Variants in GLI2 observed in about 807,000 individuals in gnomAD.
GLI2 encodes GLI family zinc finger 2.
A neutral mutation model predicts 78.9 loss-of-function variants in GLI2; 22 were observed. That is an observed-to-expected ratio of 0.28 (90% CI 0.20 to 0.40). GLI2 has a LOEUF of 0.40. Ranked by LOEUF, GLI2 falls within the 10% of genes least tolerant of loss-of-function variation. The pLI, the probability that GLI2 is intolerant of heterozygous loss-of-function variation, is 1.00. For synonymous variants in GLI2, 974 were observed against 963.7 expected (o/e 1.01, Z -0.20); for missense variants, 2,097 against 2,213.2 (o/e 0.95, Z 1.05).
chr2:120,803,801 G>C (rs1684809559), intron 2 of GLI2, among the ~76,000 whole-genome samples: 1 of 152,204 alleles, frequency 6.6e-6, no homozygotes, highest in Non-Finnish European at 1.5e-5. Context: ...GCTGGGGCCT[G>C]GGCATATGTA....
At chr2:120,905,328 C>T (rs2104794878) in intron 2 of GLI2, among the ~76,000 whole-genome samples, 1 of 152,258 alleles carries the variant, frequency 6.6e-6, no homozygotes, top group East Asian at 1.9e-4. Context: ...GGGTGCCTGT[C>T]CCTGTGCATA....
At chr2:120,764,591 T>C (rs1002378501) in intron 1 of GLI2, among the ~76,000 whole-genome samples, 1 of 152,140 alleles carries the variant, frequency 6.6e-6, no homozygotes, top group African/African-American at 2.4e-5. Flanking sequence ...TGCTCTGTGT[T>C]GTAGAAGGGA....
intron 2 of GLI2, among the ~76,000 whole-genome samples, chr2:120,894,761 C>T (rs113633627): frequency 2.4e-3 from 361 of 151,314 alleles, no homozygotes; most frequent in African/African-American, 6.0e-3. Context: ...CGCAGTGGCG[C>T]GATCTTGGCT....
intron 1 of GLI2, among the ~76,000 whole-genome samples, chr2:120,740,388 G>A (rs1323757951): frequency 4.0e-5 from 6 of 151,762 alleles, no homozygotes; most frequent in East Asian, 1.9e-4. Flanking sequence ...GGGGATTTGG[G>A]TTTAAATTGA....
Position 120,951,279 on chromosome 2 carries a change from C to T in GLI2, c.291C>T (p.Asp97=), listed in dbSNP as rs199671413. The T allele has an allele frequency of 8.0e-4, 1,296 of 1,612,528 alleles. 4 individuals carry two copies. The highest frequency in any genetic ancestry group is 6.7e-4 in the Non-Finnish European group (786 of 1,178,732). Residue 97 remains aspartate (D), a synonymous_variant, in exon 4 of 14, where the codon GAC becomes GAT. Coordinates refer to ENST00000361492, the MANE Select transcript of GLI2 (RefSeq NM_001374353.1). ...PALSGSPVIS[D]ISLIRLSPHP... ...TCAGCGGCAGCCCTGTCATCTCTGA[C>T]ATCTCCTTGATCCGGCTTTCCCCGC...
At chr2:120,909,896 C>G (rs189730099) in intron 2 of GLI2, among the ~76,000 whole-genome samples, 1 of 152,344 alleles carries the variant, frequency 6.6e-6, no homozygotes, top group African/African-American at 2.4e-5. Flanking sequence ...TTAAAATCCA[C>G]TTTACAGGTG....
At chr2:120,798,598 G>A (rs1204572229) in intron 2 of GLI2, among the ~76,000 whole-genome samples, 2 of 152,332 alleles carry the variant, frequency 1.3e-5, no homozygotes, top group African/African-American at 4.8e-5. Flanking sequence ...GGAGATCTGA[G>A]GTCAACCTTC....
At chr2:120,805,096 G>A (rs949035670) in intron 2 of GLI2, among the ~76,000 whole-genome samples, 16 of 152,230 alleles carry the variant, frequency 1.1e-4, no homozygotes, top group African/African-American at 3.4e-4. Context: ...TCCACATAAC[G>A]GAAACCCGAG....
At position 120,989,648 on chromosome 2, in the gene GLI2, C is replaced by A. The variant is rs201543141; in HGVS notation, c.3683C>A (p.Ala1228Asp). The A allele has an allele frequency of 1.2e-6, 2 of 1,613,388 alleles. No individual in the cohort carries two copies. The highest frequency in any genetic ancestry group is 4.5e-5 in the East Asian group (2 of 44,860). Residue 1228 changes from alanine (A) to aspartate (D), a missense_variant, in exon 14 of 14, where the codon GCC (alanine) becomes GAC (aspartate). This residue lies in a region of GLI2 where 1,290 missense variants were observed against 1,261.7 expected (regional missense o/e 1.02). Coordinates refer to ENST00000361492, the MANE Select transcript of GLI2 (RefSeq NM_001374353.1). ...PGMTTTMSPH[A>D]CYGQVHPQLS... ...ATGACTACCACTATGAGCCCCCATG[C>A]CTGCTATGGCCAAGTCCACCCCCAG...
At chr2:120,968,091 C>A (rs1197931805) in intron 5 of GLI2, among the ~76,000 whole-genome samples, 1 of 152,208 alleles carries the variant, frequency 6.6e-6, no homozygotes, top group East Asian at 1.9e-4. Context: ...GCAGTGGGAA[C>A]AGGCAAGCTT....
intron 1 of GLI2, among the ~76,000 whole-genome samples, chr2:120,758,092 G>A (rs748322580): frequency 3.9e-5 from 6 of 152,180 alleles, no homozygotes; most frequent in Non-Finnish European, 8.8e-5. Context: ...GGAGAGGCTG[G>A]TGTGGCCAGC....
intron 2 of GLI2, among the ~76,000 whole-genome samples, chr2:120,887,338 A>G (rs1677461692): frequency 6.6e-6 from 1 of 152,130 alleles, no homozygotes; most frequent in Admixed American, 6.5e-5. Flanking sequence ...ATTGATACTC[A>G]CCAAATTAGA....
chr2:120,762,959 G>A (rs1391251616), intron 1 of GLI2, among the ~76,000 whole-genome samples: 2 of 152,242 alleles, frequency 1.3e-5, no homozygotes, highest in Non-Finnish European at 1.5e-5. Context: ...GGACTTTGAG[G>A]CCAAGGTTAG....
At chr2:120,959,146 G>A (rs767108689) in intron 5 of GLI2, among the ~76,000 whole-genome samples, 2 of 152,202 alleles carry the variant, frequency 1.3e-5, no homozygotes, top group Non-Finnish European at 2.9e-5. Flanking sequence ...AGCAGCAGAG[G>A]AGTGCAGAGG....
At chr2:120,842,802 G>A (rs1686948978) in intron 2 of GLI2, among the ~76,000 whole-genome samples, 2 of 152,214 alleles carry the variant, frequency 1.3e-5, no homozygotes, top group African/African-American at 4.8e-5. Flanking sequence ...CAGAGAAATT[G>A]TCCTTAGCAG....
intron 1 of GLI2, among the ~76,000 whole-genome samples, chr2:120,771,464 TA>T (rs1285319832): frequency 6.6e-6 from 1 of 152,224 alleles, no homozygotes; most frequent in Non-Finnish European, 1.5e-5. Context: ...CCTTTCAACT[TA>T]GAGTTCTTGA....
chr2:120,973,445 C>T (rs774482105), intron 8 of GLI2, among the ~76,000 whole-genome samples: 5 of 152,210 alleles, frequency 3.3e-5, no homozygotes, highest in Admixed American at 6.5e-5. Flanking sequence ...CCTGGCTCTG[C>T]GCACGTGTCA....
At chr2:120,820,969 G>A (rs1250413332) in intron 2 of GLI2, among the ~76,000 whole-genome samples, 2 of 152,040 alleles carry the variant, frequency 1.3e-5, no homozygotes, top group African/African-American at 2.4e-5. Flanking sequence ...GCCATGTGCC[G>A]ACTCAGTAAC....
intron 1 of GLI2, among the ~76,000 whole-genome samples, chr2:120,740,434 G>GT (rs1179442010): frequency 8.8e-6 from 1 of 113,718 alleles, no homozygotes; most frequent in Non-Finnish European, 1.8e-5. Flanking sequence ...CATGTGTGTT[G>GT]TTTAAAAAAA....
Sources: gnomAD v4.1 joint callset for allele counts (sites outside exome capture counted in the v4.1 genomes callset) on GRCh38, gnomAD v4.1.1 for gene constraint, gnomAD v4.1.1 regional missense constraint, MANE v1.5 for transcripts, NCBI Gene and HGNC (gene_info 2026-07-23, HGNC 2026-07-21) for gene names.